The following TEF variants were observed in gnomAD, a reference collection of about 807,000 sequenced individuals.
TEF encodes the protein TEF transcription factor, PAR bZIP family member.
Under a neutral mutation model 20.8 loss-of-function variants are expected in TEF, and 3 were observed. The ratio of observed to expected loss-of-function variants is 0.14; its 90% confidence interval spans 0.07 to 0.37. The LOEUF (loss-of-function observed/expected upper bound fraction) is 0.37. Ranked by LOEUF, TEF falls within the 10% of genes least tolerant of loss-of-function variation. The pLI is 1.00. For synonymous variants in TEF, 180 were observed against 171.1 expected (o/e 1.05, Z -0.41); for missense variants, 296 against 397.9 (o/e 0.74, Z 2.18).
At chr22:41,388,244 C>T (rs1344271864) in intron 2 of TEF, among the ~76,000 whole-genome samples, 2 of 151,764 alleles carry the variant, frequency 1.3e-5, no homozygotes, top group Non-Finnish European at 1.5e-5. Context: ...GTGATCTGCC[C>T]GCCTCAGCCT....
intron 1 of TEF, chr22:41,369,314 G>C: frequency 1.1e-6 from 1 of 935,296 alleles, no homozygotes; most frequent in Non-Finnish European, 1.3e-6. Context: ...GACCGCCCAA[G>C]GTTTCAGGCA....
intron 1 of TEF, among the ~76,000 whole-genome samples, chr22:41,373,722 C>T (rs1002476704): frequency 6.6e-6 from 1 of 151,480 alleles, no homozygotes; most frequent in African/African-American, 2.4e-5. Context: ...CCTGCCTTGG[C>T]CTCCCAAAGT....
chr22:41,377,740 T>G (rs1250595215), upstream of TEF, among the ~76,000 whole-genome samples: 1 of 152,184 alleles, frequency 6.6e-6, no homozygotes, highest in African/African-American at 2.4e-5. Flanking sequence ...CTGCAGTATT[T>G]GTGACACATC....
intron 2 of TEF, 36 bp downstream of exon 2, chr22:41,387,704 C>T (rs1430219704): frequency 6.4e-7 from 1 of 1,565,850 alleles, no homozygotes; most frequent in Non-Finnish European, 8.7e-7. Context: ...CCACCTGTCC[C>T]ATCCAGGGAA....
At chr22:41,393,902 T>G (rs1343000246) in intron 2 of TEF, among the ~76,000 whole-genome samples, 194 bp from the exon 3 acceptor site, 1 of 152,154 alleles carries the variant, frequency 6.6e-6, no homozygotes. Context: ...AAGGAAAGAA[T>G]TCTTTGAATG....
At chr22:41,367,844 C>G (rs1400207985) in intron 1 of TEF, among the ~76,000 whole-genome samples, 1 of 152,130 alleles carries the variant, frequency 6.6e-6, no homozygotes, top group Non-Finnish European at 1.5e-5. Context: ...TGGCCACTGA[C>G]AGGTGCTGTG....
chr22:41,383,739 CT>C (rs1371500841), intron 1 of TEF, among the ~76,000 whole-genome samples: 1 of 152,192 alleles, frequency 6.6e-6, no homozygotes, highest in African/African-American at 2.4e-5. Flanking sequence ...TTAAAGTATC[CT>C]TTATTGCTTA....
At chr22:41,387,818 C>T (rs2037116295) in intron 2 of TEF, 150 bp downstream of exon 2, 1 of 765,900 alleles carries the variant, frequency 1.3e-6, no homozygotes, top group South Asian at 1.8e-5. Flanking sequence ...CTTCACTCCC[C>T]ACCCTTCCAC....
At chr22:41,367,611 G>A in intron 1 of TEF, 2 of 1,550,952 alleles carry the variant, frequency 1.3e-6, no homozygotes, top group Non-Finnish European at 1.7e-6. Context: ...TAGGAGCACA[G>A]GTGACCTGCA....
intron 2 of TEF, 148 bp downstream of exon 2, chr22:41,387,816 C>T (rs1442083270): frequency 6.3e-6 from 5 of 794,472 alleles, no homozygotes; most frequent in Admixed American, 2.8e-5. Context: ...CTCTTCACTC[C>T]CCACCCTTCC....
At chr22:41,381,734 C>G (rs572237943), upstream of TEF, among the ~76,000 whole-genome samples, 1 of 151,918 alleles carries the variant, frequency 6.6e-6, no homozygotes, top group South Asian at 2.1e-4. Flanking sequence ...CCGCGAGGGT[C>G]CTCACCTGGC....
chr22:41,393,217 C>T (rs537233897), intron 2 of TEF, among the ~76,000 whole-genome samples: 66 of 151,344 alleles, frequency 4.4e-4, no homozygotes, highest in Non-Finnish European at 7.4e-4. Context: ...GGTGTGCATC[C>T]GCGGTCCCAG....
Position 41,398,010 on chromosome 22 carries a change from C to T in TEF, c.*2050C>T, listed in dbSNP as rs774877081. 1.3e-5 allele frequency: 2 copies of T among 152,178 alleles called. No homozygotes were observed. Among genetic ancestry groups the T allele is most frequent in the African/African-American group, 2.4e-5 (1 of 41,434 alleles). The allele number at this position is 152,178 out of a possible 1,614,324, so 9.4% of individuals were successfully genotyped here. A position where few individuals can be genotyped will look rare whatever the true frequency, so the allele number is the denominator to read the frequency against. On this transcript the variant is annotated 3_prime_UTR_variant, in exon 4 of 4. Coordinates refer to ENST00000266304, the MANE Select transcript of TEF (RefSeq NM_003216.4). ...GGCTCGATGTGTCTCCTCTTTATCC[C>T]GCCCTCTGCCTGTTTGGTGCCCTCC...
rs910355454 is a variant in TEF at position 41,387,199 on chromosome 22, T to G, written c.158-152T>G. 1.7e-5 allele frequency: 14 copies of G among 848,306 alleles called. No homozygotes were observed. In the Admixed American group the frequency reaches 3.0e-4, roughly 18 times the overall value. 52.5% of individuals were successfully genotyped at this position (848,306 alleles called of 1,614,324 possible). A position where few individuals can be genotyped will look rare whatever the true frequency, so the allele number is the denominator to read the frequency against. On this transcript the variant is annotated intron_variant, in intron 1 of 3. Coordinates refer to ENST00000266304, the MANE Select transcript of TEF (RefSeq NM_003216.4). The stretch of plus-strand genomic sequence containing the variant: ...CAGCCGGCCTGGTTCAAGTGCGAGA[T>G]TCGAACTGGAGAATAGAGTAGGTTC...
intron 2 of TEF, among the ~76,000 whole-genome samples, chr22:41,388,102 A>T (rs897349773): frequency 7.1e-6 from 1 of 140,736 alleles, no homozygotes; most frequent in Non-Finnish European, 1.5e-5. Context: ...GGTTCAATCA[A>T]TTCTCTGCCT....
At position 41,394,188 on chromosome 22, in the gene TEF, C is replaced by G; in HGVS notation, c.568C>G (p.Leu190Val). Residue 190 changes from leucine (L) to valine (V), a missense_variant, in exon 3 of 4, where the codon CTG becomes GTG. By Grantham distance (32) the Leu-to-Val change is conservative. This residue lies in a region of TEF where 194 missense variants were observed against 317.8 expected (regional missense o/e 0.61). Transcript: ENST00000266304. ...GAACTTCAATCCGGACCCCGCCGACCTGGTGCTCTCCAGTGTGCCAGGCGG... is the reference window on the plus strand; with the variant it reads ...GAACTTCAATCCGGACCCCGCCGACGTGGTGCTCTCCAGTGTGCCAGGCGG... ...DVNFNPDPAD[L>V]VLSSVPGGEL... 1 of 1,614,186 alleles carries G rather than the reference C, an allele frequency of 6.2e-7. No homozygotes were observed. The highest frequency in any genetic ancestry group is 8.5e-7 in the Non-Finnish European group (1 of 1,180,036).
rs184992204 is a variant in TEF at position 41,384,719 on chromosome 22, T to G, written c.157+2518T>G. ...ACTTTCAGTGAGCCCACAGTAACAA[T>G]GATGCCTACAGTGTGCCAGGAACAC... On this transcript the variant is annotated intron_variant, in intron 1 of 3. Coordinates refer to ENST00000266304, the MANE Select transcript of TEF (RefSeq NM_003216.4). Among the ~76,000 whole-genome samples, 123 of 152,284 alleles carry G rather than the reference T, an allele frequency of 8.1e-4. 1 individual carries two copies. Among genetic ancestry groups the G allele is most frequent in the Admixed American group, 3.6e-3 (55 of 15,290 alleles).
chr22:41,375,706 A>T (rs1490697333), intron 1 of TEF, among the ~76,000 whole-genome samples: 1 of 150,702 alleles, frequency 6.6e-6, no homozygotes, highest in African/African-American at 2.5e-5. Flanking sequence ...CCTGGGCAAC[A>T]GAGCAAGACT....
chr22:41,389,535 C>T (rs2037141129), intron 2 of TEF, among the ~76,000 whole-genome samples: 1 of 152,084 alleles, frequency 6.6e-6, no homozygotes, highest in African/African-American at 2.4e-5. Flanking sequence ...AGGAAAATCG[C>T]TTGAACCCGG....
Sources: allele counts gnomAD v4.1 joint callset (sites outside exome capture counted in the v4.1 genomes callset), GRCh38; gene constraint gnomAD v4.1.1; regional missense constraint gnomAD v4.1.1; transcripts MANE v1.5; gene names NCBI Gene and HGNC (gene_info 2026-07-23, HGNC 2026-07-21).